MRPL4: variants seen among roughly 807,000 people sequenced by gnomAD.
The protein encoded by MRPL4 is mitochondrial ribosomal protein L4.
Under a neutral mutation model 34.1 loss-of-function variants are expected in MRPL4, and 34 were observed. The observed-to-expected ratio is 1.00, with a 90% confidence interval of 0.76 to 1.33. The LOEUF (loss-of-function observed/expected upper bound fraction) is 1.33, where lower values mean the gene tolerates loss of function less well. Ranked by LOEUF, MRPL4 falls within the 40% of genes most tolerant of loss-of-function variation. MRPL4 has a pLI of 0.00. For synonymous variants in MRPL4, 196 were observed against 188.3 expected (o/e 1.04, Z -0.33); for missense variants, 402 against 434.6 (o/e 0.92, Z 0.67).
chr19:10,259,333 C>T, intron 8 of MRPL4: 1 of 1,387,384 alleles, frequency 7.2e-7, no homozygotes, highest in Non-Finnish European at 9.3e-7. Context: ...GTCATTTGCC[C>T]TGGGTCTCCC....
At chr19:10,252,918 CAG>C in intron 3 of MRPL4, 2 of 663,970 alleles carry the variant, frequency 3.0e-6, no homozygotes, top group Admixed American at 6.4e-5. Context: ...GTTAGGGAGA[CAG>C]AATTCTGGAG....
At chr19:10,254,684 G>T (rs957575441) in intron 4 of MRPL4, 44 bp downstream of exon 4, 42 of 1,609,890 alleles carry the variant, frequency 2.6e-5, no homozygotes, top group Non-Finnish European at 3.2e-5. Flanking sequence ...GAGCTTCCTG[G>T]GGAGGTTGGG....
chr19:10,259,552 T>C, intron 8 of MRPL4, 65 bp from the exon 9 acceptor site: 3 of 1,540,194 alleles, frequency 1.9e-6, no homozygotes, highest in Non-Finnish European at 2.6e-6. Flanking sequence ...CCGATGTGGG[T>C]GGGGTGAGGA....
In MRPL4 at chr19:10,252,620, G is replaced by A. The variant is rs763527301; in HGVS notation, c.194G>A (p.Trp65Ter). The change falls in exon 3 of 9, where the codon TGG (tryptophan) becomes TAG (stop). Residue 65 changes from tryptophan to a stop codon, truncating the protein, a stop_gained. Transcript: ENST00000253099. LOFTEE classifies it high-confidence loss of function. ...ACTCATCGACGCCCAGTGCAGGCCT[G>A]GGTCGAGTCCTTGCGGGGCTTCGAG... ...VPTHRRPVQA[W>*]VESLRGFEQE... 1 of 1,611,992 alleles carries A rather than the reference G, an allele frequency of 6.2e-7. No individual in the cohort carries two copies. Among genetic ancestry groups the A allele is most frequent in the Middle Eastern group, 1.6e-4 (1 of 6,084 alleles).
Position 10,252,434 on chromosome 19 carries a change from C to G in MRPL4, c.95C>G (p.Thr32Ser), listed in dbSNP as rs200091078. The change falls in exon 2 of 9, where the codon ACC becomes AGC. Residue 32 changes from threonine to serine, a missense_variant. Thr to Ser is a moderately conservative substitution (Grantham distance 58). Coordinates refer to ENST00000253099, the MANE Select transcript of MRPL4 (RefSeq NM_015956.3). The stretch of plus-strand genomic sequence containing the variant: ...CTGGCGGAAGAGGCAGCGCGTGCGA[C>G]CGAGAACCCGGAGCAGGTGGCGAGC... ...SSLAEEAARA[T>S]ENPEQVASEG... 4.6e-5 allele frequency: 75 copies of G among 1,613,956 alleles called. No individual in the cohort carries two copies. The highest frequency in any genetic ancestry group is 1.7e-5 in the Admixed American group (1 of 59,992).
chr19:10,251,999 C>T (rs1182539152), upstream of MRPL4: 3 of 526,070 alleles, frequency 5.7e-6, no homozygotes. Context: ...GCTGGGTCTT[C>T]TTGCTGTGAG....
At chr19:10,256,866 G>GGGGGGGGGGGGGGGGGGGCCC in intron 5 of MRPL4, 41 bp downstream of exon 5, 1 of 378,380 alleles carries the variant, frequency 2.6e-6, no homozygotes, top group Non-Finnish European at 5.0e-6. Flanking sequence ...GGGTGGGGGG[G>GGGGGGGGGGGGGGGGGGGCCC]CCAGGGAAGG....
At position 10,252,592 on chromosome 19, in the gene MRPL4, C is replaced by T. The variant is rs2039804018; in HGVS notation, c.166C>T (p.Pro56Ser). The T allele has an allele frequency of 6.2e-7, 1 of 1,613,054 alleles. No homozygotes were observed. The highest frequency in any genetic ancestry group is 1.6e-4 in the Middle Eastern group (1 of 6,062). ...GCTGCGCAAAGTCGAGCTCCCGGTA[C>T]CCACTCATCGACGCCCAGTGCAGGC... ...PVLRKVELPV[P>S]THRRPVQAWV... The change falls in exon 3 of 9, where the codon CCC becomes TCC. Residue 56 changes from proline (P) to serine (S), a missense_variant. By Grantham distance (74) the Pro-to-Ser change is moderately conservative (BLOSUM62 -1). Transcript: ENST00000253099.
Position 10,252,574 on chromosome 19 carries a change from A to G in MRPL4, c.148A>G (p.Lys50Glu). Residue 50 changes from lysine to glutamate, a missense_variant, in exon 3 of 9, where the codon AAA becomes GAA. By Grantham distance (56) the Lys-to-Glu change is moderately conservative. Transcript: ENST00000253099. ...AGGTCTCCCGGAGCCCGTGCTGCGC[A>G]AAGTCGAGCTCCCGGTACCCACTCA... ...SEGLPEPVLRKVELPVPTHRR... is the reference protein window; with the variant it reads ...SEGLPEPVLREVELPVPTHRR... The G allele has an allele frequency of 6.2e-7, 1 of 1,613,094 alleles. No homozygotes were observed. Among genetic ancestry groups the G allele is most frequent in the Non-Finnish European group, 8.5e-7 (1 of 1,179,662 alleles).
In MRPL4 at chr19:10,260,026, A is replaced by T. The variant is rs568497981; in HGVS notation, c.*213A>T. The T allele has an allele frequency of 4.3e-6, 2 of 467,786 alleles. No individual in the cohort carries two copies. Among genetic ancestry groups the T allele is most frequent in the African/African-American group, 4.0e-5 (2 of 49,494 alleles). 29.0% of individuals were successfully genotyped at this position (467,786 alleles called of 1,614,324 possible). ...CATTCCCTCTTTTTGTTTTTAAAAT[A>T]AATTGTATTTTTGAATCAAGGAGGA... On this transcript the variant is annotated 3_prime_UTR_variant, in exon 9 of 9. Coordinates refer to ENST00000253099, the MANE Select transcript of MRPL4 (RefSeq NM_015956.3).
In MRPL4 at chr19:10,252,251, G is replaced by C; in HGVS notation, c.-3G>C. On this transcript the variant is annotated 5_prime_UTR_variant, in exon 1 of 9. Transcript: ENST00000253099. ...CTCCCGCGGCGTGGGAGGCTGCGCG[G>C]CGATGCTGCAGTTCGTCCGGGCCGG... 1 of 1,602,698 alleles carries C rather than the reference G, an allele frequency of 6.2e-7. No individual in the cohort carries two copies. The highest frequency in any genetic ancestry group is 8.5e-7 in the Non-Finnish European group (1 of 1,175,922).
At chr19:10,254,168 A>G (rs951998300) in intron 3 of MRPL4, among the ~76,000 whole-genome samples, 2 of 152,074 alleles carry the variant, frequency 1.3e-5, no homozygotes, top group African/African-American at 2.4e-5. Context: ...ACAGACATGT[A>G]CCACCGTGCC....
In MRPL4 at chr19:10,259,098, CAAAAAAAAAA is replaced by C. The variant is rs35481360; in HGVS notation, c.739+431_739+440del. ...TGGGGAGAGAGCTAGACTCTTGTCT[CAAAAAAAAAA>C]AAAAAAAAAAAAAAAAAGCTCCAAA... On this transcript the variant is annotated intron_variant, in intron 8 of 8. Coordinates refer to ENST00000253099, the MANE Select transcript of MRPL4 (RefSeq NM_015956.3). 207 of 539,818 alleles carry C rather than the reference CAAAAAAAAAA, an allele frequency of 3.8e-4. 1 individual carries two copies. The South Asian group carries it at 0.012, about 31-fold the overall frequency. The allele number at this position is 539,818 out of a possible 1,614,324, so 33.4% of individuals were successfully genotyped here.
At chr19:10,253,791 C>CAAA (rs149418404) in intron 3 of MRPL4, among the ~76,000 whole-genome samples, 2 of 146,138 alleles carry the variant, frequency 1.4e-5, no homozygotes, top group Non-Finnish European at 3.0e-5. Flanking sequence ...GACTCCATCT[C>CAAA]AAAAAAAAAA....
chr19:10,256,760 C>A lies in MRPL4; in HGVS notation c.380C>A (p.Pro127His). Residue 127 changes from proline (P) to histidine (H), a missense_variant, in exon 5 of 9, where the codon CCT becomes CAT. By Grantham distance (77) the Pro-to-His change is moderately conservative. Coordinates refer to ENST00000253099, the MANE Select transcript of MRPL4 (RefSeq NM_015956.3). ...RAEVRGGGRKPWPQKGTGRAR... is the reference protein window; with the variant it reads ...RAEVRGGGRKHWPQKGTGRAR... Reference sequence around the variant, plus strand: ...GAGGTGCGGGGCGGTGGCCGGAAGCCTTGGCCGCAGAAAGGCACTGGGCGG... The same window carrying A: ...GAGGTGCGGGGCGGTGGCCGGAAGCATTGGCCGCAGAAAGGCACTGGGCGG... The A allele has an allele frequency of 6.4e-7, 1 of 1,563,890 alleles. No homozygotes were observed. The highest frequency in any genetic ancestry group is 1.1e-5 in the South Asian group (1 of 89,518).
Position 10,258,471 on chromosome 19 carries a change from CAG to C in MRPL4, c.614_615del (p.Glu205AlafsTer31). 1 of 1,614,114 alleles carries C rather than the reference CAG, an allele frequency of 6.2e-7. No homozygotes were observed. The highest frequency in any genetic ancestry group is 8.5e-7 in the Non-Finnish European group (1 of 1,180,022). ...CCCACCGGAGACCCACAGTACCTGA[CAG>C]AGCTGGCGCACTACCGCCGCTGGGG... On this transcript the variant is annotated frameshift_variant, in exon 7 of 9. Coordinates refer to ENST00000253099, the MANE Select transcript of MRPL4 (RefSeq NM_015956.3). LOFTEE classifies it high-confidence loss of function.
In MRPL4 at chr19:10,259,654, G is replaced by A; in HGVS notation, c.777G>A (p.Leu259=). 6.5e-7 allele frequency: 1 copy of A among 1,540,570 alleles called. No homozygotes were observed. The highest frequency in any genetic ancestry group is 8.8e-7 in the Non-Finnish European group (1 of 1,141,256). The change falls in exon 9 of 9, where the codon CTG becomes CTA. Residue 259 remains leucine (L), a synonymous_variant. Transcript: ENST00000253099. ...ACAGCATGCTCAAGCACCAGACGCT[G>A]GTCCTGACGCTGCCCACCGTCGCCT... ...NVHSMLKHQT[L]VLTLPTVAFL... is the part of the protein sequence containing the mutation.
At chr19:10,254,714 C>A in intron 4 of MRPL4, 74 bp downstream of exon 4, 1 of 1,547,510 alleles carries the variant, frequency 6.5e-7, no homozygotes, top group Non-Finnish European at 8.9e-7. Context: ...CAGAGGAAGC[C>A]CATCGCTGGG....
At chr19:10,256,872 G>A (rs2039857741) in intron 5 of MRPL4, 47 bp downstream of exon 5, 2 of 1,155,032 alleles carry the variant, frequency 1.7e-6, no homozygotes, top group Admixed American at 3.0e-5. Context: ...GGGGGCCAGG[G>A]AAGGGCCTGG....
Sources: allele counts gnomAD v4.1 joint callset (sites outside exome capture counted in the v4.1 genomes callset), GRCh38; gene constraint gnomAD v4.1.1; transcripts MANE v1.5; gene names NCBI Gene and HGNC (gene_info 2026-07-23, HGNC 2026-07-21).